PHKB: variants seen among roughly 807,000 people sequenced by gnomAD.
The protein encoded by PHKB is phosphorylase b kinase regulatory subunit beta.
In PHKB, 122 loss-of-function variants were observed where a neutral mutation model predicts 152.1. The ratio of observed to expected loss-of-function variants is 0.80; its 90% CI spans 0.69 to 0.93. The LOEUF is 0.93. Ranked by LOEUF, PHKB falls within the 40% of genes least tolerant of loss-of-function variation. PHKB has a pLI of 0.00. For synonymous variants in PHKB, 436 were observed against 464.9 expected (o/e 0.94, Z 0.80); for missense variants, 1,304 against 1,328.4 (o/e 0.98, Z 0.29).
intron 6 of PHKB, 88 bp downstream of exon 6, chr16:47,515,689 T>A (rs981486005): frequency 2.2e-4 from 160 of 718,286 alleles, no homozygotes; most frequent in Non-Finnish European, 3.7e-4. Flanking sequence ...ATTTTTAGTT[T>A]ATGTAAAATG....
intron 14 of PHKB, among the ~76,000 whole-genome samples, chr16:47,619,970 A>G (rs1972588827): frequency 6.6e-6 from 1 of 152,222 alleles, no homozygotes; most frequent in African/African-American, 2.4e-5. Context: ...CATGTGTATT[A>G]TACTAATTAG....
At chr16:47,471,717 A>G (rs922602918) in intron 1 of PHKB, among the ~76,000 whole-genome samples, 2 of 152,318 alleles carry the variant, frequency 1.3e-5, no homozygotes, top group Non-Finnish European at 2.9e-5. Flanking sequence ...TTCCTGTTAA[A>G]CGGAGAATAA....
chr16:47,473,218 ATTTTTTTTTTTTTTTTT>A (rs1043960499), intron 1 of PHKB, among the ~76,000 whole-genome samples: 20 of 48,774 alleles, frequency 4.1e-4, no homozygotes, highest in South Asian at 3.7e-3. Flanking sequence ...TGCCTGGCTA[ATTTTTTTTTTTTTTTTT>A]TTTTTTTTTT....
At chr16:47,481,702 T>C (rs1969966510) in intron 1 of PHKB, among the ~76,000 whole-genome samples, 1 of 152,208 alleles carries the variant, frequency 6.6e-6, no homozygotes, top group Admixed American at 6.5e-5. Context: ...CACTGTGTGT[T>C]GCTTTATTTA....
At chr16:47,464,220 C>T (rs769691658) in intron 1 of PHKB, 12 of 540,108 alleles carry the variant, frequency 2.2e-5, no homozygotes, top group Admixed American at 6.3e-5. Context: ...GTGCCTGCCC[C>T]GATATTTGCA....
intron 8 of PHKB, among the ~76,000 whole-genome samples, chr16:47,583,493 A>G (rs1180295414): frequency 1.3e-5 from 2 of 152,214 alleles, no homozygotes; most frequent in East Asian, 3.8e-4. Flanking sequence ...TTCAGATCAT[A>G]TTGATATTCA....
intron 7 of PHKB, among the ~76,000 whole-genome samples, chr16:47,574,866 C>T (rs1429968165): frequency 1.3e-5 from 2 of 152,200 alleles, no homozygotes; most frequent in East Asian, 3.8e-4. Context: ...TAGCATATGT[C>T]ATCTGCAAAG....
In PHKB at chr16:47,669,223, G is replaced by T. The variant is rs1287914875; in HGVS notation, c.2436G>T (p.Leu812=). ...AATTCTGCCACTTGTAGGTAACTCT[G>T]GGTGCCTTTGGGCATGAAGAAGAAG... ...TFLVHGKQVT[L]GAFGHEEEVI... Residue 812 remains leucine (L), a synonymous_variant, in exon 26 of 31, where the codon CTG becomes CTT. Transcript: ENST00000323584. 1 of 1,613,214 alleles carries T rather than the reference G, an allele frequency of 6.2e-7. No homozygotes were observed. The highest frequency in any genetic ancestry group is 2.2e-5 in the East Asian group (1 of 44,870).
intron 6 of PHKB, among the ~76,000 whole-genome samples, chr16:47,546,868 T>C (rs1971178468): frequency 6.6e-6 from 1 of 152,068 alleles, no homozygotes. Context: ...GGACTGCCGT[T>C]CTAACAGTGA....
At position 47,700,381 on chromosome 16, in the gene PHKB, T is replaced by C. The variant is rs1400276802; in HGVS notation, c.*1015T>C. On this transcript the variant is annotated 3_prime_UTR_variant, in exon 31 of 31. Transcript: ENST00000323584. ...AAAAAAAAAAAGAAAAAGAAAAAAA[T>C]ATGTTAAATTTAAGGACTGTTAACC... The C allele has an allele frequency of 7.0e-6, 1 of 143,694 alleles. No homozygotes were observed. The highest frequency in any genetic ancestry group is 2.6e-5 in the African/African-American group (1 of 39,038). 8.9% of individuals were successfully genotyped at this position (143,694 alleles called of 1,614,324 possible).
At chr16:47,550,909 A>G (rs1378597736) in intron 7 of PHKB, among the ~76,000 whole-genome samples, 1 of 152,160 alleles carries the variant, frequency 6.6e-6, no homozygotes, top group Non-Finnish European at 1.5e-5. Flanking sequence ...TTATCAGTCT[A>G]TTCAGGGATT....
At chr16:47,496,850 C>A (rs1970241029) in intron 1 of PHKB, among the ~76,000 whole-genome samples, 1 of 152,148 alleles carries the variant, frequency 6.6e-6, no homozygotes, top group South Asian at 2.1e-4. Context: ...GATAATAAGG[C>A]AAGAATATCA....
chr16:47,632,058 T>G (rs1323180382), intron 14 of PHKB, among the ~76,000 whole-genome samples: 1 of 152,164 alleles, frequency 6.6e-6, no homozygotes, highest in Non-Finnish European at 1.5e-5. Context: ...TAAATGGATG[T>G]CTATGCTTCT....
At chr16:47,502,692 A>G (rs1024271892) in intron 3 of PHKB, among the ~76,000 whole-genome samples, 6 of 152,240 alleles carry the variant, frequency 3.9e-5, no homozygotes, top group African/African-American at 1.4e-4. Flanking sequence ...TTTTTTTCCA[A>G]TAGAAATATT....
intron 14 of PHKB, among the ~76,000 whole-genome samples, chr16:47,637,843 G>A (rs1310062357): frequency 1.3e-5 from 2 of 152,168 alleles, no homozygotes; most frequent in East Asian, 3.9e-4. Context: ...ATTTCTCGCA[G>A]TTCTAAAAGC....
At chr16:47,603,535 G>C (rs982072102) in intron 13 of PHKB, among the ~76,000 whole-genome samples, 4 of 144,430 alleles carry the variant, frequency 2.8e-5, no homozygotes, top group African/African-American at 1.0e-4. Flanking sequence ...ATGGAGTCTC[G>C]CTGTGTCGCC....
chr16:47,639,875 A>G (rs1972986402), intron 14 of PHKB, among the ~76,000 whole-genome samples: 1 of 152,156 alleles, frequency 6.6e-6, no homozygotes, highest in African/African-American at 2.4e-5. Flanking sequence ...TAATTTTTTC[A>G]TTTGTTAGAA....
Position 47,650,911 on chromosome 16 carries a change from A to C in PHKB, c.1961A>C (p.Asp654Ala). 1.2e-6 allele frequency: 2 copies of C among 1,610,482 alleles called. No individual in the cohort carries two copies. The highest frequency in any genetic ancestry group is 1.7e-6 in the Non-Finnish European group (2 of 1,176,702). The change falls in exon 20 of 31, where the codon GAT (aspartate) becomes GCT (alanine). Residue 654 changes from aspartate to alanine, a missense_variant. Asp to Ala is a moderately radical substitution (Grantham distance 126). Coordinates refer to ENST00000323584, the MANE Select transcript of PHKB (RefSeq NM_000293.3). ...ATTGGAGGAGTCAAAGTTCATGTGG[A>C]TCGTCTACAGGTAGCCTTCTGATTT... ...GIIGGVKVHV[D>A]RLQTLISGAV...
At chr16:47,522,303 A>G (rs1409194189) in intron 6 of PHKB, among the ~76,000 whole-genome samples, 4 of 152,026 alleles carry the variant, frequency 2.6e-5, no homozygotes, top group East Asian at 3.8e-4. Context: ...TGTCTATTTA[A>G]TCTAGATTAT....
Sources: allele counts gnomAD v4.1 joint callset (sites outside exome capture counted in the v4.1 genomes callset), GRCh38; gene constraint gnomAD v4.1.1; transcripts MANE v1.5; gene names NCBI Gene and HGNC (gene_info 2026-07-23, HGNC 2026-07-21).